The following TTC28 variants were observed in gnomAD, a reference collection of about 807,000 sequenced individuals.
TTC28 encodes the protein tetratricopeptide repeat domain 28.
A neutral mutation model predicts 198.0 loss-of-function variants in TTC28; 61 were observed. The observed-to-expected ratio is 0.31, with a 90% CI of 0.25 to 0.38. TTC28 has a LOEUF of 0.38. Among genes scored for constraint, TTC28 ranks in the 10% least tolerant of loss-of-function variants. The pLI is 1.00. For missense variants in TTC28, 2,678 were observed against 3,164.0 expected, an observed-to-expected ratio of 0.85 and a Z score of 3.69; for synonymous variants, 1,171 against 1,297.8, an observed-to-expected ratio of 0.90 and a Z score of 2.10.
intron 2 of TTC28, among the ~76,000 whole-genome samples, chr22:28,414,232 C>T (rs1210402097): frequency 1.3e-5 from 2 of 152,140 alleles, no homozygotes; most frequent in Non-Finnish European, 2.9e-5. Context: ...AGGAAATGAC[C>T]TTTCAGAAAC....
At chr22:28,388,639 C>G (rs1249413104) in intron 2 of TTC28, among the ~76,000 whole-genome samples, 2 of 151,874 alleles carry the variant, frequency 1.3e-5, no homozygotes, top group South Asian at 4.2e-4. Context: ...TGATTTGGCT[C>G]TCTGTCTGTT....
At chr22:28,022,168 G>A (rs1305060257) in intron 13 of TTC28, among the ~76,000 whole-genome samples, 1 of 152,224 alleles carries the variant, frequency 6.6e-6, no homozygotes, top group African/African-American at 2.4e-5. Context: ...GCCTGGTGCT[G>A]TATGGCATCA....
At chr22:28,411,791 C>A (rs2047086501) in intron 2 of TTC28, among the ~76,000 whole-genome samples, 2 of 152,212 alleles carry the variant, frequency 1.3e-5, no homozygotes, top group South Asian at 4.2e-4. Context: ...TTCAAGTTTT[C>A]CTTACAAGAG....
At chr22:28,210,696 C>T (rs891219412) in intron 5 of TTC28, among the ~76,000 whole-genome samples, 3 of 152,122 alleles carry the variant, frequency 2.0e-5, no homozygotes, top group African/African-American at 7.2e-5. Context: ...GAGAATGGAA[C>T]CAAGTTGGAA....
At chr22:27,999,287 C>A in intron 15 of TTC28, 27 bp from the exon 16 acceptor site, 2 of 1,524,432 alleles carry the variant, frequency 1.3e-6, no homozygotes, top group Non-Finnish European at 1.8e-6. Flanking sequence ...CAAAGCAGAC[C>A]ACCCGTCAGA....
At chr22:28,110,640 TA>T (rs1328314315) in intron 6 of TTC28, among the ~76,000 whole-genome samples, 1 of 152,084 alleles carries the variant, frequency 6.6e-6, no homozygotes, top group East Asian at 1.9e-4. Context: ...ATGGTGACAT[TA>T]AAAATGGTGA....
intron 3 of TTC28, 28 bp from the exon 4 acceptor site, chr22:28,297,880 A>T: frequency 6.5e-7 from 1 of 1,547,262 alleles, no homozygotes; most frequent in Non-Finnish European, 8.7e-7. Context: ...TAACAGCAAC[A>T]TAACAGGAGA....
chr22:28,360,567 C>T (rs541987131), intron 2 of TTC28, among the ~76,000 whole-genome samples: 3 of 152,240 alleles, frequency 2.0e-5, no homozygotes, highest in South Asian at 2.1e-4. Flanking sequence ...GTATCCTTCT[C>T]ACTAAGACAA....
intron 2 of TTC28, among the ~76,000 whole-genome samples, chr22:28,393,058 T>G (rs145143109): frequency 3.6e-4 from 55 of 152,128 alleles, no homozygotes; most frequent in African/African-American, 1.3e-3. Flanking sequence ...TTTATATTTA[T>G]TTTTTGTAGA....
At chr22:28,276,627 A>G (rs1056175130) in intron 5 of TTC28, among the ~76,000 whole-genome samples, 16 of 152,166 alleles carry the variant, frequency 1.1e-4, no homozygotes, top group African/African-American at 3.9e-4. Flanking sequence ...GGCAGCTAAA[A>G]CTTAGTGTCT....
chr22:28,326,402 CACAA>C (rs1168708770), intron 2 of TTC28, among the ~76,000 whole-genome samples: 2 of 152,048 alleles, frequency 1.3e-5, no homozygotes, highest in Non-Finnish European at 2.9e-5. Flanking sequence ...GAACTACACA[CACAA>C]ACAAGTCAAT....
At chr22:28,395,788 T>C (rs770794163) in intron 2 of TTC28, among the ~76,000 whole-genome samples, 2 of 152,162 alleles carry the variant, frequency 1.3e-5, no homozygotes, top group Non-Finnish European at 2.9e-5. Flanking sequence ...TATATTCAAA[T>C]AACAGCAACA....
chr22:28,435,945 C>T (rs2047512912), intron 2 of TTC28, among the ~76,000 whole-genome samples: 1 of 152,134 alleles, frequency 6.6e-6, no homozygotes, highest in African/African-American at 2.4e-5. Context: ...CTGTAACTTT[C>T]CCATCTCCTC....
chr22:28,541,898 T>C (rs1037821548), intron 2 of TTC28, among the ~76,000 whole-genome samples: 4 of 151,966 alleles, frequency 2.6e-5, no homozygotes, highest in Admixed American at 2.6e-4. Context: ...CTGAGCAATA[T>C]AGCAAGACCC....
At chr22:28,398,992 A>C (rs542396155) in intron 2 of TTC28, among the ~76,000 whole-genome samples, 1 of 150,256 alleles carries the variant, frequency 6.7e-6, no homozygotes, top group South Asian at 2.1e-4. Flanking sequence ...AAATCAAAAC[A>C]GTTGTTTGGG....
At chr22:28,197,557 C>T (rs1925501940) in intron 5 of TTC28, among the ~76,000 whole-genome samples, 1 of 151,662 alleles carries the variant, frequency 6.6e-6, no homozygotes, top group African/African-American at 2.4e-5. Context: ...CTTTTAAAGC[C>T]TAAAAATGAT....
intron 1 of TTC28, among the ~76,000 whole-genome samples, chr22:28,660,782 C>T (rs1175954259): frequency 1.3e-5 from 2 of 149,668 alleles, no homozygotes; most frequent in Non-Finnish European, 3.0e-5. Context: ...CGTTGGCTTC[C>T]CAAAGTGCTG....
At chr22:28,034,746 C>T (rs529729345) in intron 12 of TTC28, among the ~76,000 whole-genome samples, 1 of 152,264 alleles carries the variant, frequency 6.6e-6, no homozygotes, top group East Asian at 1.9e-4. Context: ...TACCTCCTGG[C>T]GAGGGCTGAG....
chr22:28,310,335 T>C (rs1226252862), intron 2 of TTC28, among the ~76,000 whole-genome samples: 1 of 152,212 alleles, frequency 6.6e-6, no homozygotes, highest in Non-Finnish European at 1.5e-5. Context: ...GACCAAAGTA[T>C]TTATGCCCTA....
Sources: allele counts gnomAD v4.1 joint callset (sites outside exome capture counted in the v4.1 genomes callset), GRCh38; gene constraint gnomAD v4.1.1; transcripts MANE v1.5; gene names NCBI Gene and HGNC (gene_info 2026-07-23, HGNC 2026-07-21).